Variants in GGA1 observed in about 807,000 individuals in gnomAD.
GGA1 encodes golgi associated, gamma adaptin ear containing, ARF binding protein 1, also known as ADP-ribosylation factor-binding protein GGA1.
GGA1 carries 18 observed loss-of-function variants against 76.9 expected under a neutral mutation model. That is an observed-to-expected ratio of 0.23 (90% confidence interval 0.16 to 0.35). GGA1 has a LOEUF of 0.35. Among genes scored for constraint, GGA1 ranks in the 10% least tolerant of loss-of-function variants. The probability of loss-of-function intolerance (pLI) is 1.00; values close to 1 mark genes in which losing one functional copy is unlikely to be tolerated. For synonymous variants in GGA1, 342 were observed against 354.7 expected (o/e 0.96, Z 0.40); for missense variants, 755 against 859.0 (o/e 0.88, Z 1.51).
rs376994676 is a variant in GGA1, at chr22:37,632,738, G to T, written c.*27G>T. On this transcript the variant is annotated 3_prime_UTR_variant, in exon 17 of 17. Transcript: ENST00000343632. The surrounding 1 kb of genome is among the most constrained non-coding windows in gnomAD (Gnocchi z 5.1). ...ACAGAGGGGCTGGGGAGAGGAAGGG[G>T]CAGAGGGACCGGTCACTGTCCAGCC... The T allele has an allele frequency of 1.6e-4, 213 of 1,336,968 alleles. No individual in the cohort carries two copies. Among genetic ancestry groups the T allele is most frequent in the Non-Finnish European group, 2.1e-4 (200 of 943,970 alleles). The allele number at this position is 1,336,968 out of a possible 1,614,324, so 82.8% of individuals were successfully genotyped here. A position where few individuals can be genotyped will look rare whatever the true frequency, so the allele number is the denominator to read the frequency against.
Position 37,623,565 on chromosome 22 carries a change from G to T in GGA1, c.764G>T (p.Arg255Leu). 1 of 1,611,806 alleles carries T rather than the reference G, an allele frequency of 6.2e-7. No homozygotes were observed. The highest frequency in any genetic ancestry group is 1.1e-5 in the South Asian group (1 of 90,932). ...SEDLMKELYQ[R>L]CERMRPTLFR... Reference sequence around the variant, plus strand: ...TGCTGCCCTCAGGAACTGTACCAGCGCTGTGAGCGGATGCGGCCCACGCTC... The same window carrying T: ...TGCTGCCCTCAGGAACTGTACCAGCTCTGTGAGCGGATGCGGCCCACGCTC... The change falls in exon 9 of 17, where the codon CGC becomes CTC. Residue 255 changes from arginine to leucine, a missense_variant. Arg to Leu is a moderately radical substitution (Grantham distance 102). Coordinates refer to ENST00000343632, the MANE Select transcript of GGA1 (RefSeq NM_013365.5). This position sits in a 1 kb window ranked among gnomAD's most constrained non-coding sequence, Gnocchi z 4.6.
At chr22:37,631,644 AGG>A (rs1931815974) in intron 14 of GGA1, among the ~76,000 whole-genome samples, 1 of 152,196 alleles carries the variant, frequency 6.6e-6, no homozygotes, top group South Asian at 2.1e-4. Flanking sequence ...AGCTCAGAGA[AGG>A]GGAGTGACTG....
chr22:37,609,335 C>G, intron 1 of GGA1: 15 of 1,099,484 alleles, frequency 1.4e-5, no homozygotes, highest in Non-Finnish European at 1.6e-5. Context: ...CTCTCTGGCC[C>G]TGCATGGCGT....
At chr22:37,631,542 C>T (rs1931801265) in intron 14 of GGA1, among the ~76,000 whole-genome samples, 1 of 152,306 alleles carries the variant, frequency 6.6e-6, no homozygotes, top group East Asian at 1.9e-4. Flanking sequence ...TCAGCATTGC[C>T]CTCTATGAGC....
intron 5 of GGA1, 89 bp downstream of exon 5, chr22:37,620,450 G>A: frequency 7.1e-7 from 1 of 1,401,976 alleles, no homozygotes; most frequent in South Asian, 1.2e-5. Context: ...AGGGGCTTCT[G>A]AGCCAGCAAG....
At chr22:37,618,382 C>T (rs1309971146) in intron 3 of GGA1, 66 bp from the exon 4 acceptor site, 10 of 898,196 alleles carry the variant, frequency 1.1e-5, no homozygotes, top group East Asian at 7.6e-5. Context: ...CTGTCCAAGG[C>T]GTGGGAGGGA....
intron 7 of GGA1, among the ~76,000 whole-genome samples, chr22:37,622,013 T>A (rs544471969): frequency 6.6e-6 from 1 of 152,138 alleles, no homozygotes; most frequent in East Asian, 1.9e-4. Context: ...ACTAAGTATT[T>A]TTAAAATTAT....
rs1023872740 is a variant in GGA1 at position 37,614,105 on chromosome 22, C to A, written c.44-85C>A. On this transcript the variant is annotated intron_variant, in intron 1 of 16. Transcript: ENST00000343632. ...TGCTCAGTCACACTCCTCTCCCACT[C>A]CTGACCACACCTTTGCCAGGGTCAG... 4.3e-6 allele frequency: 4 copies of A among 934,970 alleles called. No individual in the cohort carries two copies. The Admixed American group carries it at 5.1e-5, about 12-fold the overall frequency. The allele number at this position is 934,970 out of a possible 1,614,324, so 57.9% of individuals were successfully genotyped here. A position where few individuals can be genotyped will look rare whatever the true frequency, so the allele number is the denominator to read the frequency against.
Position 37,614,257 on chromosome 22 carries a change from C to G in GGA1, c.111C>G (p.Leu37=). The G allele has an allele frequency of 1.2e-6, 2 of 1,613,326 alleles. No individual in the cohort carries two copies. Among genetic ancestry groups the G allele is most frequent in the Non-Finnish European group, 1.7e-6 (2 of 1,179,382 alleles). ...WASINGFCEQ[L]NEDFEGPPLA... is the part of the protein sequence containing the mutation. ...GCATCAACGGCTTCTGCGAGCAGCT[C>G]AACGAGGACTTTGAGGGGTAGGTGG... The change falls in exon 2 of 17, where the codon CTC becomes CTG. Residue 37 remains leucine (L), a synonymous_variant. Coordinates refer to ENST00000343632, the MANE Select transcript of GGA1 (RefSeq NM_013365.5).
chr22:37,612,810 C>A, intron 1 of GGA1: 5 of 519,240 alleles, frequency 9.6e-6, no homozygotes, highest in Admixed American at 6.4e-5. Flanking sequence ...TCCAGCTTTA[C>A]AAGATGGGGA....
At chr22:37,621,051 C>G (rs573155907) in intron 6 of GGA1, 138 bp downstream of exon 6, 17 of 666,622 alleles carry the variant, frequency 2.6e-5, no homozygotes, top group South Asian at 2.5e-4. Context: ...ATGATGGGCG[C>G]TGTTTACTGG....
In GGA1 at chr22:37,625,898, G is replaced by A. The variant is rs765634709; in HGVS notation, c.1042G>A (p.Glu348Lys). The change falls in exon 11 of 17, where the codon GAG becomes AAG. Residue 348 changes from glutamate (E) to lysine (K), a missense_variant. Transcript: ENST00000343632. The surrounding 1 kb of genome is among the most constrained non-coding windows in gnomAD (Gnocchi z 4.1). The stretch of plus-strand genomic sequence containing the variant: ...CCGCCCTGGCGAGCAGGCCAGCCCT[G>A]AGCAGCCCAGTGCCTCAGTTTCCCT... ...PTRPGEQASP[E>K]QPSASVSLLD... is the part of the protein sequence containing the mutation. 6.2e-6 allele frequency: 10 copies of A among 1,607,988 alleles called. No homozygotes were observed. In the Admixed American group the frequency reaches 1.2e-4, roughly 19 times the overall value.
intron 5 of GGA1, 89 bp downstream of exon 5, chr22:37,620,450 G>C (rs1314277824): frequency 7.1e-7 from 1 of 1,401,856 alleles, no homozygotes; most frequent in African/African-American, 1.4e-5. Flanking sequence ...AGGGGCTTCT[G>C]AGCCAGCAAG....
At chr22:37,621,806 G>A (rs912568840) in intron 7 of GGA1, 110 bp downstream of exon 7, 12 of 679,736 alleles carry the variant, frequency 1.8e-5, no homozygotes, top group Admixed American at 1.2e-4. Flanking sequence ...GCAGTGACCC[G>A]GGCTGGCACA....
rs563628183 is a variant in GGA1 at position 37,626,013 on chromosome 22, C to T, written c.1093+64C>T. On this transcript the variant is annotated intron_variant, in intron 11 of 16. Transcript: ENST00000343632. ...CAGCAGATGGGGCATGATCCCAGGG[C>T]CCACTCACAGCTAGCGGAACCACGT... 4.6e-5 allele frequency: 62 copies of T among 1,359,446 alleles called. No individual in the cohort carries two copies. The Admixed American group carries it at 9.3e-4, about 20-fold the overall frequency. The allele number at this position is 1,359,446 out of a possible 1,614,324, so 84.2% of individuals were successfully genotyped here. A position where few individuals can be genotyped will look rare whatever the true frequency, so the allele number is the denominator to read the frequency against.
At position 37,632,045 on chromosome 22, in the gene GGA1, C is replaced by T; in HGVS notation, c.1578C>T (p.Leu526=). The T allele has an allele frequency of 6.2e-7, 1 of 1,613,612 alleles. No individual in the cohort carries two copies. The highest frequency in any genetic ancestry group is 8.5e-7 in the Non-Finnish European group (1 of 1,179,980). ...TVYDQHGFRI[L]FHFARDPLPG... ...ATGACCAGCACGGCTTCCGCATCCT[C>T]TTCCATTTTGCCCGGGACCCACTGC... Residue 526 remains leucine, a synonymous_variant, in exon 15 of 17, where the codon CTC becomes CTT. Transcript: ENST00000343632. This position sits in a 1 kb window ranked among gnomAD's most constrained non-coding sequence, Gnocchi z 5.1.
Position 37,632,828 on chromosome 22 carries a change from G to T in GGA1, c.*117G>T. 1 of 672,064 alleles carries T rather than the reference G, an allele frequency of 1.5e-6. No individual in the cohort carries two copies. Among genetic ancestry groups the T allele is most frequent in the Non-Finnish European group, 2.7e-6 (1 of 369,990 alleles). 41.6% of individuals were successfully genotyped at this position (672,064 alleles called of 1,614,324 possible). Reference sequence around the variant, plus strand: ...CCATGGCCATTCACCCCCAGGCCTGGTGCTTCTCCCCACACCCCTGTAGGC... The same window carrying T: ...CCATGGCCATTCACCCCCAGGCCTGTTGCTTCTCCCCACACCCCTGTAGGC... On this transcript the variant is annotated 3_prime_UTR_variant, in exon 17 of 17. Transcript: ENST00000343632. The surrounding 1 kb of genome is among the most constrained non-coding windows in gnomAD (Gnocchi z 5.1).
At chr22:37,617,221 C>T in intron 3 of GGA1, 1 of 1,394,866 alleles carries the variant, frequency 7.2e-7, no homozygotes, top group South Asian at 1.7e-5. Context: ...GAGGGAAGGC[C>T]CTCTAGGGTC....
chr22:37,632,842 A>G lies in GGA1; in HGVS notation c.*131A>G. On this transcript the variant is annotated 3_prime_UTR_variant, in exon 17 of 17. Transcript: ENST00000343632. This position sits in a 1 kb window ranked among gnomAD's most constrained non-coding sequence, Gnocchi z 5.1. ...CCCCAGGCCTGGTGCTTCTCCCCAC[A>G]CCCCTGTAGGCCTCAAGTGACTCTT... 3.1e-6 allele frequency: 2 copies of G among 636,142 alleles called. No homozygotes were observed. The highest frequency in any genetic ancestry group is 5.7e-6 in the Non-Finnish European group (2 of 349,542). 39.4% of individuals were successfully genotyped at this position (636,142 alleles called of 1,614,324 possible). A position where few individuals can be genotyped will look rare whatever the true frequency, so the allele number is the denominator to read the frequency against.
Sources: gnomAD v4.1 joint callset for allele counts (sites outside exome capture counted in the v4.1 genomes callset) on GRCh38, gnomAD v4.1.1 for gene constraint, Gnocchi (gnomAD v3.1) non-coding constraint, MANE v1.5 for transcripts, NCBI Gene and HGNC (gene_info 2026-07-23, HGNC 2026-07-21) for gene names.